CASD1: variants seen among roughly 807,000 people sequenced by gnomAD.
CASD1 encodes the protein N-acetylneuraminate (7)9-O-acetyltransferase.
A neutral mutation model predicts 100.0 loss-of-function variants in CASD1; 41 were observed. The observed-to-expected ratio is 0.41, with a 90% CI of 0.32 to 0.53. The LOEUF (loss-of-function observed/expected upper bound fraction) is 0.53, where lower values mean the gene tolerates loss of function less well. CASD1 is among the 20% of genes least tolerant of loss of function. The probability of loss-of-function intolerance (pLI) is 0.25; values close to 1 mark genes in which losing one functional copy is unlikely to be tolerated. For synonymous variants in CASD1, 321 were observed against 315.6 expected, an observed-to-expected ratio of 1.02 and a Z score of -0.18; for missense variants, 774 against 948.7, an observed-to-expected ratio of 0.82 and a Z score of 2.42.
At chr7:94,623,471 G>C in the CASD1 span, 2 of 938,574 alleles carry the variant, frequency 2.1e-6, no homozygotes, top group Admixed American at 4.0e-5. Flanking sequence ...GGATTAAAAT[G>C]AAAACAAATT....
chr7:94,518,127 T>C, intron 2 of CASD1, 76 bp from the exon 3 acceptor site: 1 of 1,370,478 alleles, frequency 7.3e-7, no homozygotes, highest in South Asian at 1.6e-5. Flanking sequence ...TCAACTTTCT[T>C]CAAAAACGGT....
chr7:94,585,064 G>A, the CASD1 span: 3 of 161,248 alleles, frequency 1.9e-5, no homozygotes, highest in African/African-American at 4.8e-5. Flanking sequence ...ATTTAAATGG[G>A]TTGCTCAACT....
At chr7:94,576,815 G>A in the CASD1 span, among the ~76,000 whole-genome samples, 15 of 152,172 alleles carry the variant, frequency 9.9e-5, no homozygotes, top group African/African-American at 2.9e-4. Context: ...TCTGTCAACT[G>A]TGATATATCC....
intron 5 of CASD1, among the ~76,000 whole-genome samples, chr7:94,532,262 C>T (rs1006748506): frequency 6.6e-6 from 1 of 151,996 alleles, no homozygotes; most frequent in Non-Finnish European, 1.5e-5. Context: ...ATTAGGCACA[C>T]TAAGAGATTA....
chr7:94,559,730 T>C (rs1796310482), downstream of CASD1, among the ~76,000 whole-genome samples: 1 of 152,160 alleles, frequency 6.6e-6, no homozygotes. Context: ...TTCACCGTGT[T>C]GGCCAGGCTG....
chr7:94,601,467 A>C, the CASD1 span, among the ~76,000 whole-genome samples: 3 of 118,790 alleles, frequency 2.5e-5, no homozygotes, highest in Non-Finnish European at 5.8e-5. Context: ...AAAAAAAAAA[A>C]AAAAAAAAAC....
the CASD1 span, among the ~76,000 whole-genome samples, chr7:94,608,904 C>T: frequency 1.3e-5 from 2 of 152,104 alleles, no homozygotes; most frequent in African/African-American, 4.8e-5. Context: ...ATGCCCTTCA[C>T]AAAAATTAAC....
At chr7:94,581,382 G>T in the CASD1 span, among the ~76,000 whole-genome samples, 1 of 151,836 alleles carries the variant, frequency 6.6e-6, no homozygotes, top group East Asian at 1.9e-4. Flanking sequence ...TCCAACTTTT[G>T]TTTTAAGCTC....
At chr7:94,629,677 T>A in the CASD1 span, 4 of 1,604,538 alleles carry the variant, frequency 2.5e-6, no homozygotes, top group South Asian at 2.2e-5. Flanking sequence ...AAACAAAAAA[T>A]TTAGTACGTT....
intron 11 of CASD1, among the ~76,000 whole-genome samples, chr7:94,544,875 T>G (rs1795599908): frequency 6.6e-6 from 1 of 152,102 alleles, no homozygotes; most frequent in African/African-American, 2.4e-5. Flanking sequence ...TTCTACCTAG[T>G]GCTAAGCAGT....
At chr7:94,522,748 C>T (rs1473850744) in intron 3 of CASD1, among the ~76,000 whole-genome samples, 4 of 151,988 alleles carry the variant, frequency 2.6e-5, no homozygotes, top group African/African-American at 7.3e-5. Context: ...AGCTCTACCT[C>T]CCGGGTTCAC....
chr7:94,587,295 T>A, the CASD1 span: 6 of 991,140 alleles, frequency 6.1e-6, no homozygotes, highest in Non-Finnish European at 7.2e-6. Context: ...TCTACTCAAG[T>A]TTCCTAATTC....
chr7:94,591,633 C>T, the CASD1 span, among the ~76,000 whole-genome samples: 1 of 152,154 alleles, frequency 6.6e-6, no homozygotes, highest in Non-Finnish European at 1.5e-5. Context: ...CCCCCCACTT[C>T]TCTTGTTGGC....
intron 1 of CASD1, 43 bp downstream of exon 1, chr7:94,510,260 G>T: frequency 7.4e-7 from 1 of 1,342,394 alleles, no homozygotes; most frequent in Non-Finnish European, 9.7e-7. Context: ...CGTGGGGGAG[G>T]CGGCGACGCG....
rs1199130149 is a variant in CASD1 at position 94,545,534 on chromosome 7, CT to C, written c.1477-7del. On this transcript the variant is annotated splice_polypyrimidine_tract_variant and intron_variant, in intron 11 of 17. Coordinates refer to ENST00000297273, the MANE Select transcript of CASD1 (RefSeq NM_022900.5). The stretch of plus-strand genomic sequence containing the variant: ...CTTAGAATGAAACCATTTTCTTCTC[CT>C]TTTCAATAGGTTTTATTTCGTCTCA... 1.3e-6 allele frequency: 2 copies of C among 1,591,306 alleles called. No individual in the cohort carries two copies. Among genetic ancestry groups the C allele is most frequent in the Non-Finnish European group, 1.7e-6 (2 of 1,164,612 alleles).
rs10280457 is a variant in CASD1 at position 94,551,379 on chromosome 7, T to C, written c.1857T>C (p.Ala619=). ...TGCTGTTTGCTTTTATTTATCTGGC[T>C]TTGCAGAAGCGTCAAATACTTTCTG... ...HGMLFAFIYL[A]LQKRQILSEG... The change falls in exon 15 of 18, where the codon GCT becomes GCC. Residue 619 remains alanine, a synonymous_variant. Transcript: ENST00000297273. 164,179 of 1,554,268 alleles carry C rather than the reference T, an allele frequency of 0.11. 9,224 individuals are homozygous for C. Among genetic ancestry groups the C allele is most frequent in the East Asian group, 0.19 (7,922 of 40,954 alleles).
the CASD1 span, among the ~76,000 whole-genome samples, chr7:94,591,304 T>A: frequency 4.6e-5 from 7 of 152,236 alleles, no homozygotes; most frequent in South Asian, 1.4e-3. Flanking sequence ...GGAGGATGTG[T>A]TTTATTTTAC....
the CASD1 span, among the ~76,000 whole-genome samples, chr7:94,607,833 T>A: frequency 6.6e-6 from 1 of 152,170 alleles, no homozygotes; most frequent in Non-Finnish European, 1.5e-5. Context: ...AAGGATTAAA[T>A]ACTGTCTTTC....
the CASD1 span, chr7:94,628,657 C>A: frequency 2.8e-6 from 1 of 353,158 alleles, no homozygotes; most frequent in Admixed American, 4.3e-5. Context: ...AGACAACTAT[C>A]TTTCAGGAGA....
Sources: gnomAD v4.1 joint callset for allele counts (sites outside exome capture counted in the v4.1 genomes callset) on GRCh38, gnomAD v4.1.1 for gene constraint, MANE v1.5 for transcripts, NCBI Gene and HGNC (gene_info 2026-07-23, HGNC 2026-07-21) for gene names.